PCDHGA5: variants seen among roughly 807,000 people sequenced by gnomAD.
The protein encoded by PCDHGA5 is protocadherin gamma subfamily A, 5.
Under a neutral mutation model 56.7 loss-of-function variants are expected in PCDHGA5, and 36 were observed. The ratio of observed to expected loss-of-function variants is 0.64; its 90% confidence interval spans 0.49 to 0.84. The LOEUF is 0.84. PCDHGA5 is among the 40% of genes least tolerant of loss of function. The pLI is 0.00. For synonymous variants in PCDHGA5, 563 were observed against 520.2 expected, an observed-to-expected ratio of 1.08 and a Z score of -1.12; for missense variants, 1,305 against 1,201.5, an observed-to-expected ratio of 1.09 and a Z score of -1.27.
chr5:141,500,434 C>T (rs1216731905), intron 2 of PCDHGA5, among the ~76,000 whole-genome samples: 1 of 152,014 alleles, frequency 6.6e-6, no homozygotes, highest in Non-Finnish European at 1.5e-5. Flanking sequence ...TGGTCTCGAT[C>T]TCCTGACCTC....
At chr5:141,421,892 T>C in intron 1 of PCDHGA5, 1 of 1,613,684 alleles carries the variant, frequency 6.2e-7, no homozygotes, top group Non-Finnish European at 8.5e-7. Context: ...GGCGATCCCA[T>C]CCGAAAGGGC....
chr5:141,384,089 C>T, intron 1 of PCDHGA5: 1 of 1,596,318 alleles, frequency 6.3e-7, no homozygotes, highest in South Asian at 1.1e-5. Context: ...TTAGAAAAAT[C>T]AATAGATAAT....
At chr5:141,420,050 C>T in intron 1 of PCDHGA5, 1 of 1,614,076 alleles carries the variant, frequency 6.2e-7, no homozygotes, top group Non-Finnish European at 8.5e-7. Flanking sequence ...TGAGTCAGTT[C>T]TCTGCTCCAA....
At chr5:141,398,746 T>TAC in intron 1 of PCDHGA5, 1 of 1,613,420 alleles carries the variant, frequency 6.2e-7, no homozygotes, top group South Asian at 1.1e-5. Context: ...ACAACAGAGT[T>TAC]ACCATCGTTT....
At position 141,476,128 on chromosome 5, in the gene PCDHGA5, G is replaced by A. The variant is rs1450094771; in HGVS notation, c.2422-18679G>A. 1 of 1,606,456 alleles carries A rather than the reference G, an allele frequency of 6.2e-7. No homozygotes were observed. Among genetic ancestry groups the A allele is most frequent in the African/African-American group, 1.3e-5 (1 of 74,874 alleles). On this transcript the variant is annotated intron_variant, in intron 1 of 3. Transcript: ENST00000518069. The surrounding 1 kb of genome is among the most constrained non-coding windows in gnomAD (Gnocchi z 7.6). ...TGCTTTTGAGTGAGATGGTCCCAGA[G>A]GCCTGGAGGAGCGGACTGGTAAGCA...
chr5:141,415,110 C>G (rs1490074484), intron 1 of PCDHGA5: 2 of 1,613,548 alleles, frequency 1.2e-6, no homozygotes, highest in East Asian at 2.2e-5. Flanking sequence ...TCAAGCAAAG[C>G]CTCGTAGTGG....
intron 1 of PCDHGA5, chr5:141,371,463 C>A (rs753028927): frequency 6.2e-7 from 1 of 1,613,952 alleles, no homozygotes; most frequent in Non-Finnish European, 8.5e-7. Context: ...CCAACATATA[C>A]AAGAAGATGC....
At chr5:141,496,164 C>T (rs745320704) in intron 2 of PCDHGA5, among the ~76,000 whole-genome samples, 1 of 152,084 alleles carries the variant, frequency 6.6e-6, no homozygotes, top group Non-Finnish European at 1.5e-5. Context: ...CCACCAGACA[C>T]CCTCCCATCC....
rs746838072 is a variant in PCDHGA5 at position 141,486,116 on chromosome 5, T to A, written c.2422-8691T>A. ...GCCCCTAGACTTTGAGAGTGAGAATTACTATGAATTTGATGTGCGGGCTCG... is the reference window on the plus strand; with the variant it reads ...GCCCCTAGACTTTGAGAGTGAGAATAACTATGAATTTGATGTGCGGGCTCG... On this transcript the variant is annotated intron_variant, in intron 1 of 3. Coordinates refer to ENST00000518069, the MANE Select transcript of PCDHGA5 (RefSeq NM_018918.3). This position sits in a 1 kb window ranked among gnomAD's most constrained non-coding sequence, Gnocchi z 5.0. 1.1e-5 allele frequency: 17 copies of A among 1,613,638 alleles called. No homozygotes were observed. Among genetic ancestry groups the A allele is most frequent in the Non-Finnish European group, 1.4e-5 (17 of 1,179,610 alleles).
intron 1 of PCDHGA5, chr5:141,408,675 CG>C (rs757230674): frequency 2.3e-5 from 37 of 1,613,832 alleles, no homozygotes; most frequent in Non-Finnish European, 3.1e-5. Flanking sequence ...GACCCTGCCA[CG>C]GATCCTGATA....
chr5:141,392,081 T>A lies in PCDHGA5; in HGVS notation c.2421+25330T>A, dbSNP rs376097159. 3.3e-5 allele frequency: 5 copies of A among 152,350 alleles called. No individual in the cohort carries two copies. In the East Asian group the frequency reaches 7.7e-4, roughly 23 times the overall value. The allele number at this position is 152,350 out of a possible 1,614,324, so 9.4% of individuals were successfully genotyped here. A position where few individuals can be genotyped will look rare whatever the true frequency, so the allele number is the denominator to read the frequency against. On this transcript the variant is annotated intron_variant, in intron 1 of 3. Coordinates refer to ENST00000518069, the MANE Select transcript of PCDHGA5 (RefSeq NM_018918.3). ...TATCGACATGTAATTCAAGTGGCAT[T>A]TAGAAGAATAATTTAAAAGCAACAA...
chr5:141,393,360 C>T, intron 1 of PCDHGA5: 1 of 1,613,968 alleles, frequency 6.2e-7, no homozygotes, highest in Non-Finnish European at 8.5e-7. Flanking sequence ...CCTGGACGTG[C>T]AGACTGGAGA....
intron 1 of PCDHGA5, among the ~76,000 whole-genome samples, chr5:141,449,422 C>A (rs1041930577): frequency 4.0e-5 from 6 of 151,724 alleles, no homozygotes; most frequent in Non-Finnish European, 7.4e-5. Flanking sequence ...GCCTGGCCAA[C>A]ATGATAAAAC....
chr5:141,425,317 C>T (rs78746536), intron 1 of PCDHGA5, among the ~76,000 whole-genome samples: 174 of 152,168 alleles, frequency 1.1e-3, no homozygotes, highest in East Asian at 3.7e-3. Context: ...TTCCCAAGAT[C>T]GTGGAGAACA....
chr5:141,460,157 C>T (rs1388985005), intron 1 of PCDHGA5, among the ~76,000 whole-genome samples: 1 of 151,968 alleles, frequency 6.6e-6, no homozygotes, highest in Admixed American at 6.6e-5. Context: ...CTCTTTGTCA[C>T]ATACATATTT....
intron 1 of PCDHGA5, among the ~76,000 whole-genome samples, chr5:141,453,322 G>A (rs897661534): frequency 6.6e-6 from 1 of 151,544 alleles, no homozygotes; most frequent in Non-Finnish European, 1.5e-5. Flanking sequence ...TTTTAGAGAT[G>A]GGGTCTCACT....
Position 141,477,365 on chromosome 5 carries a change from C to T in PCDHGA5, c.2422-17442C>T, listed in dbSNP as rs754438240. On this transcript the variant is annotated intron_variant, in intron 1 of 3. Transcript: ENST00000518069. The surrounding 1 kb of genome is among the most constrained non-coding windows in gnomAD (Gnocchi z 4.9). ...TTTGAAAACCAGTGCAGACCTGGAT[C>T]GGGAGACTGTGCCAGAATACAACCT... The T allele has an allele frequency of 6.2e-7, 1 of 1,614,156 alleles. No homozygotes were observed. The highest frequency in any genetic ancestry group is 1.7e-5 in the Admixed American group (1 of 60,022).
At chr5:141,410,666 T>C (rs376209053) in intron 1 of PCDHGA5, 1 of 1,566,008 alleles carries the variant, frequency 6.4e-7, no homozygotes, top group Non-Finnish European at 8.6e-7. Flanking sequence ...AGTCTACTAG[T>C]TTCTCATATT....
Position 141,511,375 on chromosome 5 carries a change from A to G in PCDHGA5, c.*202A>G. 2 of 1,236,730 alleles carry G rather than the reference A, an allele frequency of 1.6e-6. No individual in the cohort carries two copies. The highest frequency in any genetic ancestry group is 2.2e-6 in the Non-Finnish European group (2 of 912,840). 76.6% of individuals were successfully genotyped at this position (1,236,730 alleles called of 1,614,324 possible). A position where few individuals can be genotyped will look rare whatever the true frequency, so the allele number is the denominator to read the frequency against. On this transcript the variant is annotated 3_prime_UTR_variant, in exon 4 of 4. Coordinates refer to ENST00000518069, the MANE Select transcript of PCDHGA5 (RefSeq NM_018918.3). ...CCCAGGGGGTTGAATATGCAAAAGCAGTTCCGCTGGGAACCCCCATCCAAT... is the reference window on the plus strand; with the variant it reads ...CCCAGGGGGTTGAATATGCAAAAGCGGTTCCGCTGGGAACCCCCATCCAAT...
Sources: gnomAD v4.1 joint callset for allele counts (sites outside exome capture counted in the v4.1 genomes callset) on GRCh38, gnomAD v4.1.1 for gene constraint, Gnocchi (gnomAD v3.1) non-coding constraint, MANE v1.5 for transcripts, NCBI Gene and HGNC (gene_info 2026-07-23, HGNC 2026-07-21) for gene names.